Variants in VPS13C observed in about 807,000 individuals in gnomAD.
VPS13C encodes the protein vacuolar protein sorting 13 homolog C.
In VPS13C, 358 loss-of-function variants were observed where a neutral mutation model predicts 456.8. That is an observed-to-expected ratio of 0.78 (90% CI 0.72 to 0.86). The LOEUF (loss-of-function observed/expected upper bound fraction) is 0.86. VPS13C is among the 40% of genes least tolerant of loss of function. The pLI is 0.00. For synonymous variants in VPS13C, 1,578 were observed against 1,486.7 expected (o/e 1.06, Z -1.41); for missense variants, 4,818 against 4,385.4 (o/e 1.10, Z -2.79).
chr15:61,866,676 G>C (rs145068829), intron 81 of VPS13C: 2 of 984,922 alleles, frequency 2.0e-6, no homozygotes, highest in Non-Finnish European at 1.2e-6. Flanking sequence ...ACTTTTAACA[G>C]TTACATGTTT....
chr15:61,873,439 ATATACAAGGAAC>A (rs1895177819), intron 77 of VPS13C, 30 bp from the exon 78 acceptor site: 6 of 1,607,532 alleles, frequency 3.7e-6, no homozygotes, highest in Middle Eastern at 1.7e-4. Context: ...AATTTCTAGA[ATATACAAGGAAC>A]TATACAAGGA....
intron 16 of VPS13C, among the ~76,000 whole-genome samples, chr15:61,992,026 T>G (rs1481212460): frequency 6.6e-6 from 1 of 152,160 alleles, no homozygotes; most frequent in Non-Finnish European, 1.5e-5. Context: ...TTGATAAGGC[T>G]GCATGTTATG....
At chr15:61,899,861 G>C (rs4775450) in intron 66 of VPS13C, among the ~76,000 whole-genome samples, 151,878 of 151,932 alleles carry the variant, frequency 1, 75,912 homozygotes, top group Non-Finnish European at 1. Flanking sequence ...CAAAAATCCT[G>C]AATAAAATAC....
intron 37 of VPS13C, among the ~76,000 whole-genome samples, chr15:61,957,392 C>A (rs2045039815): frequency 6.6e-6 from 1 of 151,974 alleles, no homozygotes; most frequent in Non-Finnish European, 1.5e-5. Flanking sequence ...CATGGTGTAT[C>A]CATATATGCA....
Position 61,877,025 on chromosome 15 carries a change from A to C in VPS13C, c.10172T>G (p.Phe3391Cys). Residue 3391 changes from phenylalanine (F) to cysteine (C), a missense_variant, in exon 75 of 85, where the codon TTC becomes TGC. By Grantham distance (205) the Phe-to-Cys change is radical. This residue lies in a region of VPS13C where 4,552 missense variants were observed against 4,130.6 expected (regional missense o/e 1.10). Coordinates refer to ENST00000644861, the MANE Select transcript of VPS13C (RefSeq NM_020821.3). ...CCATATAAGCTGATCTCTCTTGTAGAACTGATATCGAATTTCATAATAAGC... is the reference window on the plus strand; with the variant it reads ...CCATATAAGCTGATCTCTCTTGTAGCACTGATATCGAATTTCATAATAAGC... Reference protein sequence around the residue: ...KLAYYEIRYQFYKRDQLIWSV... With the variant: ...KLAYYEIRYQCYKRDQLIWSV... 1 of 1,609,456 alleles carries C rather than the reference A, an allele frequency of 6.2e-7. No homozygotes were observed.
At chr15:61,941,566 G>C (rs1289475677) in intron 46 of VPS13C, among the ~76,000 whole-genome samples, 197 bp downstream of exon 46, 2 of 152,070 alleles carry the variant, frequency 1.3e-5, no homozygotes, top group Admixed American at 1.3e-4. Context: ...TACATATGTA[G>C]TAAGGGAAAA....
chr15:62,038,794 T>C (rs1405957246), intron 3 of VPS13C, among the ~76,000 whole-genome samples: 1 of 151,788 alleles, frequency 6.6e-6, no homozygotes, highest in Non-Finnish European at 1.5e-5. Flanking sequence ...GCAAAGTACA[T>C]AAACAAACAT....
At chr15:61,949,276 T>C (rs2044706885) in intron 42 of VPS13C, among the ~76,000 whole-genome samples, 167 bp downstream of exon 42, 1 of 152,202 alleles carries the variant, frequency 6.6e-6, no homozygotes, top group Non-Finnish European at 1.5e-5. Context: ...AATTCCTCAC[T>C]AAACTGCTCT....
chr15:61,858,317 A>ACTAT lies in VPS13C; in HGVS notation c.10953-1912_10953-1909dup, dbSNP rs55704364. 0.039 allele frequency among the ~76,000 whole-genome samples: 5,734 copies of ACTAT among 147,586 alleles called. 132 individuals are homozygous for ACTAT. The highest frequency in any genetic ancestry group is 0.066 in the African/African-American group (2,609 of 39,814). On this transcript the variant is annotated intron_variant, in intron 82 of 84. Transcript: ENST00000644861. The surrounding 1 kb of genome is among the most constrained non-coding windows in gnomAD (Gnocchi z 4.4). ...ACTCGAGATTTTTATCCAAACTCCA[A>ACTAT]CTATCTATCTATCTATCTATCTATC...
At chr15:62,042,818 T>C (rs189291546) in intron 2 of VPS13C, among the ~76,000 whole-genome samples, 1 of 152,012 alleles carries the variant, frequency 6.6e-6, no homozygotes, top group East Asian at 1.9e-4. Flanking sequence ...CTAATGTAAA[T>C]GACAAGTCAA....
chr15:61,854,484 T>C lies in VPS13C; in HGVS notation c.11235A>G (p.Arg3745=). ...AAGATGGCAATTGGGGTCTGAGAAGTCTCACTGATGACTGCTTCATCAATT... is the reference window on the plus strand; with the variant it reads ...AAGATGGCAATTGGGGTCTGAGAAGCCTCACTGATGACTGCTTCATCAATT... ...QQKLMKQSSV[R]LLRPQLPS is the part of the protein sequence containing the mutation. Residue 3745 remains arginine, a synonymous_variant, in exon 85 of 85, where the codon AGA becomes AGG. Transcript: ENST00000644861. The C allele has an allele frequency of 1.2e-6, 2 of 1,614,132 alleles. No homozygotes were observed. The highest frequency in any genetic ancestry group is 3.3e-4 in the Middle Eastern group (2 of 6,062).
At chr15:61,920,027 A>C (rs1596331499) in intron 57 of VPS13C, 40 bp downstream of exon 57, 2 of 1,448,064 alleles carry the variant, frequency 1.4e-6, no homozygotes, top group East Asian at 4.7e-5. Flanking sequence ...CCACACCAAC[A>C]ACTGCTAAGA....
intron 67 of VPS13C, among the ~76,000 whole-genome samples, chr15:61,886,337 A>T (rs542524515): frequency 8.5e-5 from 13 of 152,268 alleles, no homozygotes; most frequent in African/African-American, 1.2e-4. Flanking sequence ...TATACTGTCA[A>T]CATATATTGC....
chr15:61,981,676 C>T (rs1033412704), intron 21 of VPS13C, among the ~76,000 whole-genome samples, 198 bp from the exon 22 acceptor site: 14 of 151,896 alleles, frequency 9.2e-5, no homozygotes, highest in Admixed American at 2.6e-4. Context: ...CTGGCTAACA[C>T]GGTGAAACCC....
At chr15:62,016,774 T>C (rs1411103984) in intron 9 of VPS13C, among the ~76,000 whole-genome samples, 2 of 152,164 alleles carry the variant, frequency 1.3e-5, no homozygotes, top group Non-Finnish European at 2.9e-5. Context: ...TATATTCCTT[T>C]GGGTATATAC....
chr15:62,037,224 T>C (rs1241820464), intron 3 of VPS13C, among the ~76,000 whole-genome samples: 1 of 81,650 alleles, frequency 1.2e-5, no homozygotes, highest in East Asian at 3.2e-4. Flanking sequence ...TATTATATAA[T>C]ATATTATATA....
chr15:61,935,172 G>C (rs1003771734), intron 48 of VPS13C, among the ~76,000 whole-genome samples: 1 of 152,118 alleles, frequency 6.6e-6, no homozygotes, highest in South Asian at 2.1e-4. Context: ...TGGGTGCTTT[G>C]GAATTTTGAG....
rs750923986 is a variant in VPS13C at position 61,949,491 on chromosome 15, C to T, written c.4711G>A (p.Glu1571Lys). ...GACTCCCCCACAAGTGGTTTCAGCT[C>T]GGATTCCTTCTCAGAAGAGGAAGGC... ...SEPSSSEKESELKPLVGESRS... is the reference protein window; with the variant it reads ...SEPSSSEKESKLKPLVGESRS... The change falls in exon 42 of 85, where the codon GAG becomes AAG. Residue 1571 changes from glutamate (E) to lysine (K), a missense_variant. This residue lies in a region of VPS13C where 4,552 missense variants were observed against 4,130.6 expected (regional missense o/e 1.10). Transcript: ENST00000644861. 13 of 1,613,414 alleles carry T rather than the reference C, an allele frequency of 8.1e-6. No homozygotes were observed. Among genetic ancestry groups the T allele is most frequent in the Admixed American group, 5.0e-5 (3 of 59,836 alleles).
chr15:62,060,412 C>T lies in VPS13C; in HGVS notation c.-38G>A, dbSNP rs762017661. On this transcript the variant is annotated 5_prime_UTR_variant, in exon 1 of 85. Coordinates refer to ENST00000644861, the MANE Select transcript of VPS13C (RefSeq NM_020821.3). ...GCACAAGGAGAGGGAGGAGCCGGAA[C>T]CGCCCGGCGCAGCTGAGGGCTGCGA... 5 of 1,138,646 alleles carry T rather than the reference C, an allele frequency of 4.4e-6. No individual in the cohort carries two copies. Among genetic ancestry groups the T allele is most frequent in the South Asian group, 2.6e-5 (2 of 76,886 alleles). 70.5% of individuals were successfully genotyped at this position (1,138,646 alleles called of 1,614,324 possible).
Sources: gnomAD v4.1 joint callset for allele counts (sites outside exome capture counted in the v4.1 genomes callset) on GRCh38, gnomAD v4.1.1 for gene constraint, gnomAD v4.1.1 regional missense constraint, Gnocchi (gnomAD v3.1) non-coding constraint, MANE v1.5 for transcripts, NCBI Gene and HGNC (gene_info 2026-07-23, HGNC 2026-07-21) for gene names.